The following GFPT2 variants were observed in gnomAD, a reference collection of about 807,000 sequenced individuals.
The protein encoded by GFPT2 is glutamine--fructose-6-phosphate aminotransferase [isomerizing] 2.
In GFPT2, 62 loss-of-function variants were observed where a neutral mutation model predicts 85.6. The ratio of observed to expected loss-of-function variants is 0.72; its 90% CI spans 0.59 to 0.90. The LOEUF (loss-of-function observed/expected upper bound fraction) is 0.90, where lower values mean the gene tolerates loss of function less well. Among genes scored for constraint, GFPT2 ranks in the 40% least tolerant of loss-of-function variants. The probability of loss-of-function intolerance (pLI) is 0.00; values close to 1 mark genes in which losing one functional copy is unlikely to be tolerated. For synonymous variants in GFPT2, 368 were observed against 344.5 expected, an observed-to-expected ratio of 1.07 and a Z score of -0.75; for missense variants, 788 against 893.4, an observed-to-expected ratio of 0.88 and a Z score of 1.50.
intron 13 of GFPT2, among the ~76,000 whole-genome samples, chr5:180,315,338 C>T (rs942717337): frequency 2.6e-5 from 4 of 152,028 alleles, no homozygotes; most frequent in Non-Finnish European, 5.9e-5. Flanking sequence ...CCACCACGCC[C>T]GGCTAATTGT....
intron 4 of GFPT2, among the ~76,000 whole-genome samples, chr5:180,334,003 C>G (rs929795109): frequency 1.3e-5 from 2 of 152,230 alleles, no homozygotes; most frequent in African/African-American, 4.8e-5. Flanking sequence ...GCCAGCACGA[C>G]TGCCCCAGGG....
chr5:180,331,921 A>G lies in GFPT2; in HGVS notation c.341-368T>C, dbSNP rs76077130. On this transcript the variant is annotated intron_variant, in intron 4 of 18. Transcript: ENST00000253778. Reference sequence around the variant, plus strand: ...GGGATGATGAGCCCTTCGTTCCAGAAGTGATTCCAGGCACTCTCAACTGGC... The same window carrying G: ...GGGATGATGAGCCCTTCGTTCCAGAGGTGATTCCAGGCACTCTCAACTGGC... 5.3e-3 allele frequency among the ~76,000 whole-genome samples: 803 copies of G among 152,326 alleles called. 28 individuals are homozygous for G. The South Asian group carries it at 0.092, about 17-fold the overall frequency.
At chr5:180,307,561 G>A (rs1037889059) in intron 15 of GFPT2, among the ~76,000 whole-genome samples, 5 of 151,758 alleles carry the variant, frequency 3.3e-5, no homozygotes, top group African/African-American at 7.3e-5. Flanking sequence ...TTCTCACTCC[G>A]TTTTGCAGGT....
Position 180,330,607 on chromosome 5 carries a change from A to G in GFPT2, c.534+93T>C. ...AGTTTGTCTAACAAGGGCTTATAAA[A>G]AATGAAGGATTCCTTGGCACTTGCT... On this transcript the variant is annotated intron_variant, in intron 6 of 18. Coordinates refer to ENST00000253778, the MANE Select transcript of GFPT2 (RefSeq NM_005110.4). The surrounding 1 kb of genome is among the most constrained non-coding windows in gnomAD (Gnocchi z 4.4). 1 of 1,078,018 alleles carries G rather than the reference A, an allele frequency of 9.3e-7. No individual in the cohort carries two copies. The highest frequency in any genetic ancestry group is 1.9e-5 in the Admixed American group (1 of 52,948). The allele number at this position is 1,078,018 out of a possible 1,614,324, so 66.8% of individuals were successfully genotyped here.
Position 180,350,457 on chromosome 5 carries a change from C to G in GFPT2, c.7+2754G>C, listed in dbSNP as rs372173181. On this transcript the variant is annotated intron_variant, in intron 1 of 18. Coordinates refer to ENST00000253778, the MANE Select transcript of GFPT2 (RefSeq NM_005110.4). ...CGTGCTCAAGGTCCTCCCTCCACAG[C>G]AGCACTGCCCTGATCGGCATCCCGT... 2.0e-4 allele frequency among the ~76,000 whole-genome samples: 30 copies of G among 152,352 alleles called. No individual in the cohort carries two copies. The East Asian group carries it at 5.0e-3, about 25-fold the overall frequency.
At chr5:180,317,555 C>A (rs144561132) in intron 10 of GFPT2, among the ~76,000 whole-genome samples, 3 of 150,916 alleles carry the variant, frequency 2.0e-5, no homozygotes, top group African/African-American at 4.9e-5. Flanking sequence ...GTCAGGAGAT[C>A]GAGACCATCC....
chr5:180,308,873 CTT>C (rs35259770), intron 15 of GFPT2, among the ~76,000 whole-genome samples: 7 of 143,940 alleles, frequency 4.9e-5, no homozygotes, highest in Non-Finnish European at 4.6e-5. Flanking sequence ...TCAGAGAAGA[CTT>C]TTTTTTTTTT....
intron 10 of GFPT2, 118 bp from the exon 11 acceptor site, chr5:180,317,176 G>T: frequency 1.3e-6 from 1 of 742,976 alleles, no homozygotes; most frequent in Non-Finnish European, 2.4e-6. Context: ...CATCCCCAGG[G>T]ATTACCCTGC....
chr5:180,333,153 C>CT (rs2127654605), intron 4 of GFPT2, among the ~76,000 whole-genome samples: 1 of 152,170 alleles, frequency 6.6e-6, no homozygotes, highest in South Asian at 2.1e-4. Context: ...ACCAGTTACC[C>CT]ATATGTTGGA....
At chr5:180,334,668 C>T (rs1016473573) in intron 4 of GFPT2, among the ~76,000 whole-genome samples, 14 of 152,220 alleles carry the variant, frequency 9.2e-5, no homozygotes, top group Non-Finnish European at 1.8e-4. Context: ...TCAGAAATCA[C>T]TGTCTTTGCT....
intron 15 of GFPT2, 128 bp from the exon 16 acceptor site, chr5:180,307,431 G>C (rs911346158): frequency 1.2e-6 from 1 of 865,988 alleles, no homozygotes; most frequent in South Asian, 1.8e-5. Context: ...TTGCTTCCTC[G>C]CATTCGTTTC....
At chr5:180,331,032 C>G (rs578206194) in intron 5 of GFPT2, 198 bp from the exon 6 acceptor site, 1 of 577,274 alleles carries the variant, frequency 1.7e-6, no homozygotes, top group East Asian at 2.9e-5. Flanking sequence ...GAGATCATCC[C>G]ACCTCAGAAG....
chr5:180,330,934 TAAGTC>T lies in GFPT2; in HGVS notation c.400-105_400-101del, dbSNP rs367835786. 1.2e-5 allele frequency: 13 copies of T among 1,109,048 alleles called. No homozygotes were observed. In the African/African-American group the frequency reaches 1.7e-4, roughly 15 times the overall value. 68.7% of individuals were successfully genotyped at this position (1,109,048 alleles called of 1,614,324 possible). On this transcript the variant is annotated intron_variant, in intron 5 of 18. Coordinates refer to ENST00000253778, the MANE Select transcript of GFPT2 (RefSeq NM_005110.4). This position sits in a 1 kb window ranked among gnomAD's most constrained non-coding sequence, Gnocchi z 4.4. ...CTGGTGATCTGCCCTTGGAGTGACT[TAAGTC>T]AAGAACAGGGAAAACCGGGAAGGGG...
intron 6 of GFPT2, among the ~76,000 whole-genome samples, chr5:180,329,386 T>C (rs1764266786): frequency 6.6e-6 from 1 of 152,202 alleles, no homozygotes; most frequent in African/African-American, 2.4e-5. Context: ...GCACGTTCTC[T>C]GCCAAAAAGA....
In GFPT2 at chr5:180,330,747, C is replaced by T. The variant is rs752268045; in HGVS notation, c.487G>A (p.Glu163Lys). The T allele has an allele frequency of 6.2e-7, 1 of 1,613,142 alleles. No homozygotes were observed. The highest frequency in any genetic ancestry group is 2.2e-5 in the East Asian group (1 of 44,880). Residue 163 changes from glutamate (E) to lysine (K), a missense_variant, in exon 6 of 19, where the codon GAG becomes AAG. Coordinates refer to ENST00000253778, the MANE Select transcript of GFPT2 (RefSeq NM_005110.4). The surrounding 1 kb of genome is among the most constrained non-coding windows in gnomAD (Gnocchi z 4.4). Reference protein sequence around the residue: ...IKYVFDNRETEDITFSTLVER... With the variant: ...IKYVFDNRETKDITFSTLVER... The stretch of plus-strand genomic sequence containing the variant: ...ACCAACGTTGAAAACGTAATGTCCT[C>T]AGTTTCTCTGTTGTCGAACACATAT...
intron 1 of GFPT2, among the ~76,000 whole-genome samples, chr5:180,347,822 G>A (rs1207527325): frequency 1.3e-5 from 2 of 151,892 alleles, no homozygotes; most frequent in Non-Finnish European, 2.9e-5. Flanking sequence ...TGAGCGTGGG[G>A]GTGGAGGGGA....
At chr5:180,329,279 G>C (rs1231820581) in intron 6 of GFPT2, among the ~76,000 whole-genome samples, 3 of 152,152 alleles carry the variant, frequency 2.0e-5, no homozygotes, top group Non-Finnish European at 2.9e-5. Context: ...CCGTCCCCAG[G>C]CCTCATTGGG....
rs1442494777 is a variant in GFPT2 at position 180,301,527 on chromosome 5, G to A, written c.*37C>T. On this transcript the variant is annotated 3_prime_UTR_variant, in exon 19 of 19. Coordinates refer to ENST00000253778, the MANE Select transcript of GFPT2 (RefSeq NM_005110.4). ...TGCTGTTGGGACAGGTCTGGAATCA[G>A]ATGAAAGGTGGTGATGGTCTTGTCA... The A allele has an allele frequency of 2.3e-5, 36 of 1,558,512 alleles. No homozygotes were observed. The highest frequency in any genetic ancestry group is 3.1e-5 in the Non-Finnish European group (35 of 1,129,232).
intron 1 of GFPT2, among the ~76,000 whole-genome samples, chr5:180,345,141 G>C (rs971875703): frequency 4.6e-5 from 7 of 152,404 alleles, no homozygotes; most frequent in African/African-American, 1.7e-4. Context: ...AGGGCAAGGA[G>C]CTTGAGAAAT....
Sources: allele counts gnomAD v4.1 joint callset (sites outside exome capture counted in the v4.1 genomes callset), GRCh38; gene constraint gnomAD v4.1.1; non-coding constraint Gnocchi (gnomAD v3.1); transcripts MANE v1.5; gene names NCBI Gene and HGNC (gene_info 2026-07-23, HGNC 2026-07-21).